Variants in KIF16B observed in about 807,000 individuals in gnomAD.
KIF16B encodes kinesin-like protein KIF16B.
A neutral mutation model predicts 156.3 loss-of-function variants in KIF16B; 98 were observed. The ratio of observed to expected loss-of-function variants is 0.63; its 90% CI spans 0.53 to 0.74. The LOEUF (loss-of-function observed/expected upper bound fraction) is 0.74, where lower values mean the gene tolerates loss of function less well. KIF16B is among the 30% of genes least tolerant of loss of function. KIF16B has a pLI of 0.00. For missense variants in KIF16B, 1,421 were observed against 1,606.5 expected (o/e 0.88, Z 1.97); for synonymous variants, 564 against 583.7 (o/e 0.97, Z 0.49).
intron 17 of KIF16B, among the ~76,000 whole-genome samples, chr20:16,404,469 G>A (rs1031232039): frequency 6.6e-6 from 1 of 152,168 alleles, no homozygotes; most frequent in Non-Finnish European, 1.5e-5. Context: ...AGATAAAAGT[G>A]CGTAAGCCAA....
At chr20:16,281,865 C>T (rs1175931701) in intron 25 of KIF16B, among the ~76,000 whole-genome samples, 1 of 152,034 alleles carries the variant, frequency 6.6e-6, no homozygotes, top group African/African-American at 2.4e-5. Context: ...GCTTTGCTCC[C>T]ATCATCTAGA....
intron 1 of KIF16B, among the ~76,000 whole-genome samples, chr20:16,541,945 G>A (rs2070220259): frequency 6.6e-6 from 1 of 152,188 alleles, no homozygotes; most frequent in East Asian, 1.9e-4. Flanking sequence ...GCTGAAGGCT[G>A]GGCCAACCAT....
intron 15 of KIF16B, among the ~76,000 whole-genome samples, chr20:16,416,370 T>G (rs2066087467): frequency 6.6e-6 from 1 of 152,204 alleles, no homozygotes; most frequent in Non-Finnish European, 1.5e-5. Flanking sequence ...TTAATCCATC[T>G]TGAGTTAATT....
intron 12 of KIF16B, among the ~76,000 whole-genome samples, chr20:16,439,927 T>A (rs1033340177): frequency 3.3e-5 from 5 of 152,090 alleles, no homozygotes; most frequent in Non-Finnish European, 5.9e-5. Flanking sequence ...GAATTCAAGA[T>A]GAGATTTGGG....
At chr20:16,424,001 G>A (rs1239273044) in intron 15 of KIF16B, among the ~76,000 whole-genome samples, 1 of 152,086 alleles carries the variant, frequency 6.6e-6, no homozygotes. Context: ...CTGGGCTAAA[G>A]GCAGAGACAG....
chr20:16,511,043 G>A (rs935900898), intron 6 of KIF16B, among the ~76,000 whole-genome samples: 2 of 152,230 alleles, frequency 1.3e-5, no homozygotes, highest in African/African-American at 2.4e-5. Context: ...GAAGACGCAA[G>A]AGGTTCAGAA....
intron 12 of KIF16B, among the ~76,000 whole-genome samples, chr20:16,487,752 A>AT (rs374142040): frequency 1.3e-5 from 2 of 152,298 alleles, no homozygotes; most frequent in African/African-American, 2.4e-5. Context: ...CACCCCTGCC[A>AT]TGGCCCTGTA....
chr20:16,350,447 C>G (rs1162544333), intron 23 of KIF16B, among the ~76,000 whole-genome samples: 1 of 151,980 alleles, frequency 6.6e-6, no homozygotes, highest in Non-Finnish European at 1.5e-5. Context: ...AAAGCCAAGA[C>G]AAAACAGATG....
At chr20:16,296,193 G>A (rs1192378789) in intron 25 of KIF16B, among the ~76,000 whole-genome samples, 5 of 152,178 alleles carry the variant, frequency 3.3e-5, no homozygotes, top group Admixed American at 2.0e-4. Context: ...ATCTGTCTTC[G>A]AACAAGGCAG....
At chr20:16,312,949 A>G (rs2063643250) in intron 24 of KIF16B, among the ~76,000 whole-genome samples, 1 of 151,902 alleles carries the variant, frequency 6.6e-6, no homozygotes, top group Admixed American at 6.6e-5. Flanking sequence ...TGCCCATGTG[A>G]AAAGAGGACT....
chr20:16,330,941 T>C (rs1288155346), intron 24 of KIF16B, among the ~76,000 whole-genome samples: 2 of 152,238 alleles, frequency 1.3e-5, no homozygotes, highest in Admixed American at 6.5e-5. Context: ...AGCTATCACC[T>C]GGAGAAGTGA....
intron 24 of KIF16B, among the ~76,000 whole-genome samples, chr20:16,315,626 A>C (rs116862700): frequency 2.4e-4 from 36 of 152,170 alleles, no homozygotes; most frequent in African/African-American, 8.7e-4. Flanking sequence ...CCTGCTGAGG[A>C]CCTGCACCCT....
intron 12 of KIF16B, among the ~76,000 whole-genome samples, chr20:16,437,443 T>A (rs1384188680): frequency 1.3e-5 from 2 of 152,182 alleles, no homozygotes; most frequent in Non-Finnish European, 2.9e-5. Flanking sequence ...TGGTTGCTAC[T>A]TCATCAGATG....
intron 1 of KIF16B, among the ~76,000 whole-genome samples, chr20:16,529,032 G>A (rs2069651284): frequency 6.6e-6 from 1 of 152,228 alleles, no homozygotes; most frequent in Admixed American, 6.5e-5. Flanking sequence ...GAATGAGGAA[G>A]ATCCCTATAT....
At chr20:16,541,027 T>G (rs1220063844) in intron 1 of KIF16B, among the ~76,000 whole-genome samples, 2 of 152,130 alleles carry the variant, frequency 1.3e-5, no homozygotes, top group Non-Finnish European at 2.9e-5. Context: ...CCCAGCAAAG[T>G]GGCAGAAGCT....
intron 25 of KIF16B, among the ~76,000 whole-genome samples, chr20:16,287,377 T>C (rs977993607): frequency 6.6e-6 from 1 of 152,338 alleles, no homozygotes; most frequent in East Asian, 1.9e-4. Context: ...ACTTGAAATA[T>C]GGCATTTATT....
intron 22 of KIF16B, among the ~76,000 whole-genome samples, chr20:16,364,261 C>T (rs148637296): frequency 4.6e-5 from 7 of 152,214 alleles, no homozygotes; most frequent in African/African-American, 1.7e-4. Context: ...CAGCTGTGCA[C>T]AAAATGGATT....
At chr20:16,448,380 T>C (rs1425481678) in intron 12 of KIF16B, among the ~76,000 whole-genome samples, 1 of 152,168 alleles carries the variant, frequency 6.6e-6, no homozygotes, top group Non-Finnish European at 1.5e-5. Context: ...ATTATGGGAA[T>C]AAGCCTTTCC....
intron 3 of KIF16B, among the ~76,000 whole-genome samples, chr20:16,518,186 C>T (rs1016030066): frequency 2.0e-5 from 3 of 152,110 alleles, no homozygotes; most frequent in African/African-American, 7.2e-5. Flanking sequence ...CCAAACTTGG[C>T]GCTATGACCT....
Sources: gnomAD v4.1 joint callset for allele counts (sites outside exome capture counted in the v4.1 genomes callset) on GRCh38, gnomAD v4.1.1 for gene constraint, MANE v1.5 for transcripts, NCBI Gene and HGNC (gene_info 2026-07-23, HGNC 2026-07-21) for gene names.